The following CAST variants were observed in gnomAD, a reference collection of about 807,000 sequenced individuals.
CAST encodes the protein calpastatin, also known as MIR583 host.
Under a neutral mutation model 119.6 loss-of-function variants are expected in CAST, and 76 were observed. The observed-to-expected ratio is 0.64, with a 90% CI of 0.53 to 0.77. The LOEUF is 0.77. Ranked by LOEUF, CAST falls within the 30% of genes least tolerant of loss-of-function variation. The probability of loss-of-function intolerance (pLI) is 0.00; values close to 1 mark genes in which losing one functional copy is unlikely to be tolerated. For missense variants in CAST, 953 were observed against 946.5 expected (o/e 1.01, Z -0.09); for synonymous variants, 319 against 331.6 (o/e 0.96, Z 0.41).
intron 1 of CAST, among the ~76,000 whole-genome samples, chr5:96,670,445 A>C (rs144142589): frequency 6.6e-6 from 1 of 152,196 alleles, no homozygotes; most frequent in African/African-American, 2.4e-5. Flanking sequence ...TAATGCTGGC[A>C]AGGGCTGCTT....
the CAST span, chr5:96,079,203 C>A: frequency 2.3e-6 from 1 of 438,930 alleles, no homozygotes; most frequent in South Asian, 1.7e-5. Flanking sequence ...CTGGGACCTA[C>A]CTCTTTGGTA....
the CAST span, among the ~76,000 whole-genome samples, chr5:96,235,377 G>A: frequency 6.6e-6 from 1 of 152,158 alleles, no homozygotes; most frequent in Non-Finnish European, 1.5e-5. Context: ...TCCATTCCCT[G>A]GGCATACAGC....
At chr5:96,227,999 C>T in the CAST span, among the ~76,000 whole-genome samples, 2 of 134,344 alleles carry the variant, frequency 1.5e-5, no homozygotes, top group African/African-American at 5.7e-5. Context: ...CCCTCTTTCT[C>T]TCTCTGTGTG....
chr5:96,032,635 C>T, the CAST span, among the ~76,000 whole-genome samples: 1 of 152,110 alleles, frequency 6.6e-6, no homozygotes, highest in Non-Finnish European at 1.5e-5. Context: ...CCACGAAATA[C>T]CACTTTGCCA....
chr5:96,060,211 C>A, the CAST span, among the ~76,000 whole-genome samples: 1 of 152,148 alleles, frequency 6.6e-6, no homozygotes, highest in Non-Finnish European at 1.5e-5. Flanking sequence ...TATGTTAACT[C>A]TCCCACCCTC....
At chr5:96,518,106 G>A in the CAST span, among the ~76,000 whole-genome samples, 1 of 152,178 alleles carries the variant, frequency 6.6e-6, no homozygotes, top group Non-Finnish European at 1.5e-5. Flanking sequence ...ACACTCTGAT[G>A]AGAAGATGAA....
the CAST span, among the ~76,000 whole-genome samples, chr5:96,264,956 G>A: frequency 6.6e-6 from 1 of 152,148 alleles, no homozygotes. Flanking sequence ...ACATTTGATA[G>A]TTTTTGATTT....
At chr5:96,688,455 A>G (rs1244149507) in intron 2 of CAST, among the ~76,000 whole-genome samples, 1 of 152,200 alleles carries the variant, frequency 6.6e-6, no homozygotes, top group Non-Finnish European at 1.5e-5. Context: ...TCATAGCTTT[A>G]TTTATAATAA....
the CAST span, among the ~76,000 whole-genome samples, chr5:96,039,324 G>A: frequency 1.3e-5 from 2 of 152,146 alleles, no homozygotes; most frequent in African/African-American, 4.8e-5. Flanking sequence ...TCTGTAGGTT[G>A]TCCGTTCATG....
chr5:96,729,519 T>C (rs1377354965), intron 7 of CAST, 93 bp from the exon 8 acceptor site: 1 of 671,808 alleles, frequency 1.5e-6, no homozygotes, highest in Non-Finnish European at 2.7e-6. Context: ...CAATTTTTAT[T>C]CTATAGAGAA....
the CAST span, among the ~76,000 whole-genome samples, chr5:96,322,406 A>C: frequency 6.6e-6 from 1 of 152,114 alleles, no homozygotes; most frequent in Admixed American, 6.5e-5. Flanking sequence ...CAGCCTGCCC[A>C]TCATCCCTCT....
At chr5:96,221,643 T>A in the CAST span, among the ~76,000 whole-genome samples, 2 of 152,152 alleles carry the variant, frequency 1.3e-5, no homozygotes, top group Non-Finnish European at 2.9e-5. Context: ...TCCACACTCA[T>A]GGACTAGAAG....
chr5:95,979,093 C>T, the CAST span, among the ~76,000 whole-genome samples: 1 of 152,104 alleles, frequency 6.6e-6, no homozygotes, highest in Non-Finnish European at 1.5e-5. Context: ...TGCATTAGGG[C>T]TCTATCATGT....
chr5:96,384,858 T>A, the CAST span, among the ~76,000 whole-genome samples: 1 of 152,130 alleles, frequency 6.6e-6, no homozygotes, highest in African/African-American at 2.4e-5. Context: ...CTAGTATATA[T>A]AAAAGGCTAT....
chr5:96,256,669 T>C, the CAST span, among the ~76,000 whole-genome samples: 1 of 152,044 alleles, frequency 6.6e-6, no homozygotes, highest in Non-Finnish European at 1.5e-5. Context: ...AAAAATATCA[T>C]ATTATAATCT....
the CAST span, among the ~76,000 whole-genome samples, chr5:96,056,376 G>A: frequency 6.6e-6 from 1 of 152,090 alleles, no homozygotes; most frequent in East Asian, 1.9e-4. Flanking sequence ...CTTCCTTTGG[G>A]CTATAAGAAT....
chr5:96,221,456 A>G, the CAST span, among the ~76,000 whole-genome samples: 1 of 152,300 alleles, frequency 6.6e-6, no homozygotes, highest in Admixed American at 6.5e-5. Flanking sequence ...GTGTTTATAT[A>G]CACCAATAAT....
intron 27 of CAST, among the ~76,000 whole-genome samples, 183 bp downstream of exon 27, chr5:96,766,328 T>C (rs1360858328): frequency 2.0e-5 from 3 of 152,234 alleles, no homozygotes; most frequent in Non-Finnish European, 2.9e-5. Context: ...AATATCATTA[T>C]ATATGCATAT....
chr5:96,404,427 G>A, the CAST span, among the ~76,000 whole-genome samples: 13 of 152,286 alleles, frequency 8.5e-5, no homozygotes, highest in Non-Finnish European at 7.4e-5. Flanking sequence ...GCTGGTACTT[G>A]AGAAACATCG....
Sources: allele counts gnomAD v4.1 joint callset (sites outside exome capture counted in the v4.1 genomes callset), GRCh38; gene constraint gnomAD v4.1.1; transcripts MANE v1.5; gene names NCBI Gene and HGNC (gene_info 2026-07-23, HGNC 2026-07-21).